AP2A1: variants seen among roughly 807,000 people sequenced by gnomAD.
AP2A1 encodes AP-2 complex subunit alpha-1.
AP2A1 carries 21 observed loss-of-function variants against 107.3 expected under a neutral mutation model. The observed-to-expected ratio is 0.20, with a 90% CI of 0.14 to 0.28. AP2A1 has a LOEUF of 0.28. Ranked by LOEUF, AP2A1 falls within the 10% of genes least tolerant of loss-of-function variation. The pLI, the probability that AP2A1 is intolerant of heterozygous loss-of-function variation, is 1.00. For synonymous variants in AP2A1, 602 were observed against 564.8 expected (o/e 1.07, Z -0.93); for missense variants, 873 against 1,307.7 (o/e 0.67, Z 5.13).
chr19:49,805,459 C>T lies in AP2A1; in HGVS notation c.2351C>T (p.Ala784Val), dbSNP rs1336760848. Residue 784 changes from alanine to valine, a missense_variant, in exon 19 of 23, where the codon GCT becomes GTT. Physicochemically the swap from Ala to Val is moderately conservative, Grantham distance 64. Around this residue, in one of 4 missense-constraint regions of AP2A1, gnomAD observed 416 missense variants for 473.4 expected, o/e 0.88. Transcript: ENST00000354293. Reference protein sequence around the residue: ...VHPGDLQTQLAVQTKRVAAQV... With the variant: ...VHPGDLQTQLVVQTKRVAAQV... ...CTTGACTCCTGGCGGGCACAGCTGG[C>T]TGTGCAGACCAAGCGCGTGGCGGCG... 60 of 1,540,428 alleles carry T rather than the reference C, an allele frequency of 3.9e-5. No homozygotes were observed. Among genetic ancestry groups the T allele is most frequent in the Non-Finnish European group, 5.0e-5 (57 of 1,139,932 alleles).
chr19:49,772,904 A>C (rs548879399), intron 1 of AP2A1, among the ~76,000 whole-genome samples: 1 of 151,752 alleles, frequency 6.6e-6, no homozygotes, highest in Admixed American at 6.6e-5. Flanking sequence ...GACGCTGGGG[A>C]GTGGGCAGAG....
In AP2A1 at chr19:49,768,312, A is replaced by G. The variant is rs112288947; in HGVS notation, c.67+1112A>G. On this transcript the variant is annotated intron_variant, in intron 1 of 22. Coordinates refer to ENST00000354293, the MANE Select transcript of AP2A1 (RefSeq NM_130787.3). ...GATTGGAGCTGCCAGGAGTCTTCAG[A>G]GGCTGCATCCGCATGGGCTCTGGGG... 5.0e-3 allele frequency among the ~76,000 whole-genome samples: 763 copies of G among 152,200 alleles called. 8 individuals are homozygous for G. The highest frequency in any genetic ancestry group is 0.018 in the African/African-American group (733 of 41,510).
Position 49,792,077 on chromosome 19 carries a change from C to G in AP2A1, c.603+13C>G. 2 of 1,609,476 alleles carry G rather than the reference C, an allele frequency of 1.2e-6. No individual in the cohort carries two copies. Among genetic ancestry groups the G allele is most frequent in the Non-Finnish European group, 1.7e-6 (2 of 1,178,782 alleles). On this transcript the variant is annotated intron_variant, in intron 5 of 22. Transcript: ENST00000354293. The stretch of plus-strand genomic sequence containing the variant: ...TGACCAGCACATGGTGAGCCCCCAG[C>G]CCTCACACCCCCGGATACCCAGGGC...
intron 1 of AP2A1, among the ~76,000 whole-genome samples, chr19:49,776,098 G>A (rs919741652): frequency 5.9e-5 from 9 of 152,122 alleles, no homozygotes; most frequent in African/African-American, 9.7e-5. Context: ...GCCACTGGAC[G>A]GAGCACGGCC....
intron 18 of AP2A1, chr19:49,803,763 C>T: frequency 3.1e-6 from 1 of 318,344 alleles, no homozygotes; most frequent in Non-Finnish European, 6.1e-6. Flanking sequence ...GTCACTTTGC[C>T]TCTCTGGGCT....
intron 1 of AP2A1, among the ~76,000 whole-genome samples, chr19:49,777,948 A>G (rs541358896): frequency 1.0e-3 from 153 of 152,134 alleles, no homozygotes; most frequent in Non-Finnish European, 1.7e-3. Context: ...GAGGAAATCT[A>G]TATATTATAG....
At chr19:49,803,075 C>A in intron 16 of AP2A1, 32 bp from the exon 17 acceptor site, 8 of 1,613,560 alleles carry the variant, frequency 5.0e-6, no homozygotes, top group Non-Finnish European at 6.8e-6. Flanking sequence ...CAGACAGGCA[C>A]CCCCGTCATC....
chr19:49,803,504 T>C, intron 18 of AP2A1, 128 bp downstream of exon 18: 2 of 743,882 alleles, frequency 2.7e-6, no homozygotes, highest in Non-Finnish European at 4.7e-6. Flanking sequence ...TTCTCTGAGA[T>C]TGAGTGTCTG....
chr19:49,768,289 T>C (rs975108994), intron 1 of AP2A1, among the ~76,000 whole-genome samples: 22 of 152,040 alleles, frequency 1.4e-4, no homozygotes, highest in African/African-American at 4.8e-4. Context: ...CTGTGGGTGA[T>C]TGGAGCTGCC....
intron 9 of AP2A1, 50 bp from the exon 10 acceptor site, chr19:49,799,579 G>A (rs115948131): frequency 3.1e-6 from 5 of 1,600,168 alleles, no homozygotes; most frequent in South Asian, 1.1e-5. Flanking sequence ...GGCCAACCCT[G>A]TGCCAACAGG....
intron 7 of AP2A1, 78 bp from the exon 8 acceptor site, chr19:49,798,724 T>C: frequency 6.6e-7 from 1 of 1,523,870 alleles, no homozygotes; most frequent in South Asian, 1.3e-5. Flanking sequence ...AGACAGGAGC[T>C]GGGGCATGGC....
intron 22 of AP2A1, 114 bp from the exon 23 acceptor site, chr19:49,806,567 G>A (rs2123775056): frequency 6.5e-7 from 1 of 1,536,678 alleles, no homozygotes; most frequent in Non-Finnish European, 8.8e-7. Flanking sequence ...TCTCTCCTGT[G>A]TCTTGTATCA....
intron 7 of AP2A1, chr19:49,796,943 T>C (rs2073221414): frequency 6.6e-6 from 1 of 152,264 alleles, no homozygotes; most frequent in Non-Finnish European, 1.5e-5. Context: ...GTATACGATA[T>C]GGAGGTGACA....
rs997308373 is a variant in AP2A1 at position 49,805,527 on chromosome 19, G to C, written c.2419G>C (p.Glu807Gln). Reference protein sequence around the residue: ...GAQVQQVLNIECLRDFLTPPL... With the variant: ...GAQVQQVLNIQCLRDFLTPPL... ...GCAGGTGCAGCAGGTGCTCAATATC[G>C]AGTGCCTGCGGGACTTCCTGACGCC... is the stretch of plus-strand genomic sequence containing the variant. The change falls in exon 19 of 23, where the codon GAG becomes CAG. Residue 807 changes from glutamate (E) to glutamine (Q), a missense_variant. Glu to Gln is a conservative substitution (Grantham distance 29, BLOSUM62 2). Transcript: ENST00000354293. 4 of 1,573,694 alleles carry C rather than the reference G, an allele frequency of 2.5e-6. No individual in the cohort carries two copies. The highest frequency in any genetic ancestry group is 2.7e-5 in the African/African-American group (2 of 74,156).
chr19:49,801,278 C>T, intron 12 of AP2A1, 112 bp from the exon 13 acceptor site: 1 of 1,175,196 alleles, frequency 8.5e-7, no homozygotes, highest in Non-Finnish European at 1.2e-6. Context: ...CACTCCCCTC[C>T]AGCAGCTTGG....
At chr19:49,778,555 C>A (rs960689615) in intron 1 of AP2A1, among the ~76,000 whole-genome samples, 3 of 152,152 alleles carry the variant, frequency 2.0e-5, no homozygotes, top group African/African-American at 7.2e-5. Context: ...TGCTCTCCAG[C>A]CTGGGCGACA....
chr19:49,806,133 C>T lies in AP2A1; in HGVS notation c.2670C>T (p.Gly890=). 3 of 1,568,338 alleles carry T rather than the reference C, an allele frequency of 1.9e-6. No individual in the cohort carries two copies. The highest frequency in any genetic ancestry group is 1.2e-5 in the South Asian group (1 of 86,182). ...EVTKAKLLGF[G]SALLDNVDPN... The stretch of plus-strand genomic sequence containing the variant: ...CCTCCTCCCAGCTTCTGGGGTTTGG[C>T]TCTGCTCTCCTGGACAATGTGGACC... Residue 890 remains glycine, a synonymous_variant, in exon 22 of 23, where the codon GGC becomes GGT. Coordinates refer to ENST00000354293, the MANE Select transcript of AP2A1 (RefSeq NM_130787.3).
intron 1 of AP2A1, among the ~76,000 whole-genome samples, chr19:49,779,091 C>CT (rs539393090): frequency 8.4e-4 from 127 of 151,086 alleles, no homozygotes; most frequent in African/African-American, 3.0e-3. Flanking sequence ...AATCCCAACA[C>CT]TTTGAGAGGC....
intron 4 of AP2A1, among the ~76,000 whole-genome samples, chr19:49,787,338 G>GCTTTTTTTTTTTTT (rs2084750825): frequency 1.1e-5 from 1 of 89,732 alleles, no homozygotes; most frequent in Non-Finnish European, 2.1e-5. Flanking sequence ...TTTTTTGTTT[G>GCTTTTTTTTTTTTT]TTTTTTTTGT....
Sources: allele counts gnomAD v4.1 joint callset (sites outside exome capture counted in the v4.1 genomes callset), GRCh38; gene constraint gnomAD v4.1.1; regional missense constraint gnomAD v4.1.1; transcripts MANE v1.5; gene names NCBI Gene and HGNC (gene_info 2026-07-23, HGNC 2026-07-21).